The following FBXL20 variants were observed in gnomAD, a reference collection of about 807,000 sequenced individuals.
The protein encoded by FBXL20 is F-box and leucine rich repeat protein 20.
A neutral mutation model predicts 64.0 loss-of-function variants in FBXL20; 11 were observed. That is an observed-to-expected ratio of 0.17 (90% CI 0.11 to 0.28). The LOEUF (loss-of-function observed/expected upper bound fraction) is 0.28, where lower values mean the gene tolerates loss of function less well. FBXL20 is among the 10% of genes least tolerant of loss of function. FBXL20 has a pLI of 1.00. For missense variants in FBXL20, 303 were observed against 526.2 expected, an observed-to-expected ratio of 0.58 and a Z score of 4.15; for synonymous variants, 184 against 189.0, an observed-to-expected ratio of 0.97 and a Z score of 0.22.
intron 5 of FBXL20, among the ~76,000 whole-genome samples, chr17:39,297,960 C>T (rs571506274): frequency 2.6e-5 from 4 of 152,218 alleles, no homozygotes; most frequent in Non-Finnish European, 5.9e-5. Context: ...TGGTCTTGAA[C>T]GCCTGACCTC....
At chr17:39,302,556 G>T (rs566207595) in intron 3 of FBXL20, among the ~76,000 whole-genome samples, 210 of 152,196 alleles carry the variant, frequency 1.4e-3, no homozygotes, top group Non-Finnish European at 2.5e-3. Context: ...TGTATTTTTA[G>T]TAGAGATGGG....
At chr17:39,364,410 T>G (rs552485199) in intron 1 of FBXL20, among the ~76,000 whole-genome samples, 2 of 152,228 alleles carry the variant, frequency 1.3e-5, no homozygotes, top group East Asian at 3.9e-4. Flanking sequence ...GCCAGGATTT[T>G]GAGACCTGGG....
rs369146709 is a variant in FBXL20, at chr17:39,299,080, C to T, written c.239G>A (p.Arg80Gln). ...LFDFQRDIEG[R>Q]VVENISKRCG... is the part of the protein sequence containing the mutation. ...TCGTTTTGAAATATTCTCCACTACT[C>T]GGCCCTGTAAAATGAGACAGGCAAA... Residue 80 changes from arginine to glutamine, a missense_variant, in exon 5 of 15, where the codon CGA (arginine) becomes CAA (glutamine). Coordinates refer to ENST00000264658, the MANE Select transcript of FBXL20 (RefSeq NM_032875.3). 130 of 1,609,654 alleles carry T rather than the reference C, an allele frequency of 8.1e-5. No individual in the cohort carries two copies. Among genetic ancestry groups the T allele is most frequent in the Non-Finnish European group, 1.1e-4 (124 of 1,178,270 alleles).
Position 39,328,248 on chromosome 17 carries a change from CAAAAAAA to C in FBXL20, c.104+14925_104+14931del, listed in dbSNP as rs141259755. On this transcript the variant is annotated intron_variant, in intron 2 of 14. Coordinates refer to ENST00000264658, the MANE Select transcript of FBXL20 (RefSeq NM_032875.3). ...TGGGCAACAGAGCGAAACTCTGCCT[CAAAAAAA>C]AAAAAAAAAAAAAAAAAAAAAGACT... 4.9e-4 allele frequency among the ~76,000 whole-genome samples: 27 copies of C among 55,100 alleles called. No homozygotes were observed. The South Asian group carries it at 0.022, about 46-fold the overall frequency. The allele number at this position is 55,100 out of a possible 152,430, so 36.1% of individuals were successfully genotyped here.
intron 1 of FBXL20, among the ~76,000 whole-genome samples, chr17:39,353,766 A>C (rs1424846748): frequency 6.6e-6 from 1 of 151,784 alleles, no homozygotes; most frequent in Non-Finnish European, 1.5e-5. Context: ...GGGATTACAG[A>C]CACGCGCCAC....
intron 1 of FBXL20, among the ~76,000 whole-genome samples, chr17:39,374,452 A>G (rs937961021): frequency 6.6e-6 from 1 of 151,976 alleles, no homozygotes; most frequent in Non-Finnish European, 1.5e-5. Context: ...GAGGCATGAG[A>G]ACTGCTTGAA....
chr17:39,305,983 G>C (rs2047178446), intron 2 of FBXL20, among the ~76,000 whole-genome samples: 1 of 150,790 alleles, frequency 6.6e-6, no homozygotes, highest in Non-Finnish European at 1.5e-5. Context: ...GTGAGACTGT[G>C]TCTCAAAAAA....
At chr17:39,283,729 A>G (rs945110036) in intron 7 of FBXL20, among the ~76,000 whole-genome samples, 6 of 152,180 alleles carry the variant, frequency 3.9e-5, no homozygotes, top group African/African-American at 1.4e-4. Context: ...TGAATTTAGG[A>G]TATCTTATGT....
At position 39,313,109 on chromosome 17, in the gene FBXL20, G is replaced by A. The variant is rs978588809; in HGVS notation, c.105-9470C>T. Among the ~76,000 whole-genome samples, 26 of 149,040 alleles carry A rather than the reference G, an allele frequency of 1.7e-4. 1 individual carries two copies. Among genetic ancestry groups the A allele is most frequent in the Non-Finnish European group, 8.9e-5 (6 of 67,526 alleles). On this transcript the variant is annotated intron_variant, in intron 2 of 14. Coordinates refer to ENST00000264658, the MANE Select transcript of FBXL20 (RefSeq NM_032875.3). The stretch of plus-strand genomic sequence containing the variant: ...AATTTTATTATTTTTAGTAGAGATG[G>A]GGTTTCACCATGTTCGTCAGGCTGG...
chr17:39,295,784 G>T (rs945485851), intron 6 of FBXL20, among the ~76,000 whole-genome samples: 21 of 137,062 alleles, frequency 1.5e-4, no homozygotes, highest in African/African-American at 4.3e-4. Context: ...CAAATATGGA[G>T]ATATATATAT....
At chr17:39,353,156 G>GA (rs2047703841) in intron 1 of FBXL20, among the ~76,000 whole-genome samples, 1 of 152,086 alleles carries the variant, frequency 6.6e-6, no homozygotes, top group African/African-American at 2.4e-5. Flanking sequence ...TCTACATCTG[G>GA]ACTTTATGAG....
intron 1 of FBXL20, among the ~76,000 whole-genome samples, chr17:39,389,473 T>C (rs2144672723): frequency 6.6e-6 from 1 of 152,290 alleles, no homozygotes. Flanking sequence ...AAAAAATAAA[T>C]GCAGGCCAAG....
At chr17:39,318,110 CTA>C (rs2047314628) in intron 2 of FBXL20, among the ~76,000 whole-genome samples, 1 of 152,060 alleles carries the variant, frequency 6.6e-6, no homozygotes, top group South Asian at 2.1e-4. Context: ...AAAAAAATTC[CTA>C]TGATAGCTTT....
chr17:39,370,836 A>G (rs909890312), intron 1 of FBXL20, among the ~76,000 whole-genome samples: 2 of 151,830 alleles, frequency 1.3e-5, no homozygotes, highest in Admixed American at 1.3e-4. Context: ...GCAACCTTAT[A>G]TTAGCCCCTT....
In FBXL20 at chr17:39,268,953, G is replaced by A. The variant is rs1597760826; in HGVS notation, c.889-82C>T. On this transcript the variant is annotated intron_variant, in intron 11 of 14. Coordinates refer to ENST00000264658, the MANE Select transcript of FBXL20 (RefSeq NM_032875.3). ...AACTTTTAAGGACAGAAAACTAAGAGGTAATATTAAATACGTTGATAAATT... is the reference window on the plus strand; with the variant it reads ...AACTTTTAAGGACAGAAAACTAAGAAGTAATATTAAATACGTTGATAAATT... 2.0e-5 allele frequency: 24 copies of A among 1,201,978 alleles called. No individual in the cohort carries two copies. The East Asian group carries it at 5.1e-4, about 26-fold the overall frequency. 74.5% of individuals were successfully genotyped at this position (1,201,978 alleles called of 1,614,324 possible). A position where few individuals can be genotyped will look rare whatever the true frequency, so the allele number is the denominator to read the frequency against.
At chr17:39,264,583 G>C (rs2046775571) in intron 13 of FBXL20, among the ~76,000 whole-genome samples, 196 bp from the exon 14 acceptor site, 1 of 152,128 alleles carries the variant, frequency 6.6e-6, no homozygotes, top group Non-Finnish European at 1.5e-5. Flanking sequence ...TTGATATTTT[G>C]GTGTGTGATT....
intron 1 of FBXL20, among the ~76,000 whole-genome samples, chr17:39,367,028 AC>A (rs776886463): frequency 1.3e-5 from 2 of 150,802 alleles, no homozygotes; most frequent in Non-Finnish European, 3.0e-5. Context: ...GACTACAGGC[AC>A]CCACCACCAC....
intron 1 of FBXL20, among the ~76,000 whole-genome samples, chr17:39,391,027 A>T (rs761724062): frequency 2.8e-4 from 42 of 152,196 alleles, no homozygotes; most frequent in Admixed American, 5.9e-4. Context: ...TGTGCGACAG[A>T]GCAAGGCTCT....
chr17:39,342,323 T>C (rs994767077), intron 2 of FBXL20, among the ~76,000 whole-genome samples: 3 of 151,512 alleles, frequency 2.0e-5, no homozygotes, highest in Admixed American at 1.3e-4. Flanking sequence ...CCCAGCACCC[T>C]GAGAGGCTGA....
Sources: gnomAD v4.1 joint callset for allele counts (sites outside exome capture counted in the v4.1 genomes callset) on GRCh38, gnomAD v4.1.1 for gene constraint, MANE v1.5 for transcripts, NCBI Gene and HGNC (gene_info 2026-07-23, HGNC 2026-07-21) for gene names.